The following KCNAB1 variants were observed in gnomAD, a reference collection of about 807,000 sequenced individuals.
KCNAB1 encodes the protein voltage-gated potassium channel subunit beta-1.
KCNAB1 carries 35 observed loss-of-function variants against 64.6 expected under a neutral mutation model. That is an observed-to-expected ratio of 0.54 (90% CI 0.41 to 0.72). KCNAB1 has a LOEUF of 0.72. Among genes scored for constraint, KCNAB1 ranks in the 30% least tolerant of loss-of-function variants. The probability of loss-of-function intolerance (pLI) is 0.00; values close to 1 mark genes in which losing one functional copy is unlikely to be tolerated. For synonymous variants in KCNAB1, 177 were observed against 183.8 expected, an observed-to-expected ratio of 0.96 and a Z score of 0.30; for missense variants, 401 against 512.9, an observed-to-expected ratio of 0.78 and a Z score of 2.11.
At chr3:156,466,832 TGTGA>T (rs1013159863) in intron 7 of KCNAB1, among the ~76,000 whole-genome samples, 10 of 152,194 alleles carry the variant, frequency 6.6e-5, no homozygotes, top group African/African-American at 1.2e-4. Context: ...TTGTGAGAAT[TGTGA>T]GTAATTTTTA....
chr3:156,291,554 C>T (rs944179785), intron 1 of KCNAB1: 8 of 1,185,214 alleles, frequency 6.7e-6, no homozygotes, highest in Non-Finnish European at 7.4e-6. Context: ...GAATGCTCAG[C>T]TCTAGGCTTC....
At chr3:156,451,860 T>G (rs1158291116) in intron 2 of KCNAB1, among the ~76,000 whole-genome samples, 1 of 152,110 alleles carries the variant, frequency 6.6e-6, no homozygotes, top group Non-Finnish European at 1.5e-5. Context: ...AGTTAACCCC[T>G]GTGAGACTCG....
Position 156,120,782 on chromosome 3 carries a change from G to C in KCNAB1, c.171G>C (p.Ala57=). 6.2e-7 allele frequency: 1 copy of C among 1,614,214 alleles called. No homozygotes were observed. Among genetic ancestry groups the C allele is most frequent in the Non-Finnish European group, 8.5e-7 (1 of 1,180,034 alleles). ...LSPSGESQLR[A]RQLALLREVE... ...CCTCAGGGGAAAGCCAGCTCAGGGCGCGTCAACTGGCTCTGCTGCGCGAAG... is the reference window on the plus strand; with the variant it reads ...CCTCAGGGGAAAGCCAGCTCAGGGCCCGTCAACTGGCTCTGCTGCGCGAAG... The change falls in exon 1 of 14, where the codon GCG becomes GCC. Residue 57 remains alanine, a synonymous_variant. Transcript: ENST00000490337.
intron 2 of KCNAB1, among the ~76,000 whole-genome samples, chr3:156,444,953 T>C (rs1312795839): frequency 1.3e-5 from 2 of 152,074 alleles, no homozygotes; most frequent in East Asian, 1.9e-4. Flanking sequence ...CTCTGGAAAA[T>C]AGAGATGGCA....
intron 1 of KCNAB1, among the ~76,000 whole-genome samples, chr3:156,315,079 G>A (rs553834778): frequency 5.9e-5 from 9 of 152,298 alleles, no homozygotes; most frequent in South Asian, 2.1e-4. Context: ...TAAGCAAGAG[G>A]CAGGAAACTG....
At position 156,302,513 on chromosome 3, in the gene KCNAB1, AG is replaced by A. The variant is rs1226765446; in HGVS notation, c.276-119102del. ...GTCCAGGTGAAGCAAGGCAGCAAAA[AG>A]AATAATGGGATCATTGAAAATGCTG... is the stretch of plus-strand genomic sequence containing the variant. On this transcript the variant is annotated intron_variant, in intron 1 of 13. Transcript: ENST00000490337. Among the ~76,000 whole-genome samples the A allele has an allele frequency of 2.6e-5, 4 of 152,194 alleles. No individual in the cohort carries two copies. The East Asian group carries it at 7.7e-4, about 29-fold the overall frequency.
At chr3:156,283,707 T>G (rs1719892504) in intron 1 of KCNAB1, among the ~76,000 whole-genome samples, 1 of 151,918 alleles carries the variant, frequency 6.6e-6, no homozygotes, top group Admixed American at 6.6e-5. Flanking sequence ...TCGCTTCATT[T>G]CATTCATTTC....
intron 1 of KCNAB1, among the ~76,000 whole-genome samples, chr3:156,397,954 C>T (rs755854829): frequency 5.9e-5 from 9 of 152,314 alleles, no homozygotes; most frequent in Middle Eastern, 3.4e-3. Context: ...TAGATATTTT[C>T]CAATTGCTTT....
chr3:156,437,878 G>A (rs999099531), intron 2 of KCNAB1, among the ~76,000 whole-genome samples: 2 of 152,096 alleles, frequency 1.3e-5, no homozygotes, highest in Admixed American at 6.5e-5. Context: ...AGTATTTATT[G>A]TCTCTCTTCC....
At chr3:156,474,681 T>C in intron 7 of KCNAB1, 53 bp from the exon 8 acceptor site, 2 of 1,314,600 alleles carry the variant, frequency 1.5e-6, no homozygotes, top group South Asian at 1.2e-5. Context: ...ACTTCAACTC[T>C]GAATAGTGCT....
At chr3:156,447,558 A>G (rs1711656244) in intron 2 of KCNAB1, among the ~76,000 whole-genome samples, 2 of 152,282 alleles carry the variant, frequency 1.3e-5, no homozygotes, top group African/African-American at 4.8e-5. Flanking sequence ...TATTCAAACC[A>G]TAGGGAGACC....
intron 1 of KCNAB1, among the ~76,000 whole-genome samples, chr3:156,220,248 G>A (rs1715625596): frequency 6.6e-6 from 1 of 152,112 alleles, no homozygotes. Flanking sequence ...TGGGATCACT[G>A]GGTCAAATGG....
chr3:156,241,463 G>A (rs893894892), intron 1 of KCNAB1, among the ~76,000 whole-genome samples: 1 of 152,186 alleles, frequency 6.6e-6, no homozygotes, highest in East Asian at 1.9e-4. Context: ...GGACAGCTGT[G>A]CTGTCATCTC....
intron 1 of KCNAB1, among the ~76,000 whole-genome samples, chr3:156,392,618 A>G (rs1295099376): frequency 6.6e-6 from 1 of 152,218 alleles, no homozygotes; most frequent in East Asian, 1.9e-4. Context: ...TATGTGGTGT[A>G]CAATTTTTGA....
intron 1 of KCNAB1, among the ~76,000 whole-genome samples, chr3:156,202,688 T>G (rs940334848): frequency 6.6e-6 from 1 of 152,202 alleles, no homozygotes; most frequent in Non-Finnish European, 1.5e-5. Context: ...ATGTCAACAG[T>G]TTTTTGGTCA....
intron 12 of KCNAB1, among the ~76,000 whole-genome samples, chr3:156,528,597 C>T (rs998925238): frequency 2.0e-5 from 3 of 152,124 alleles, no homozygotes; most frequent in Non-Finnish European, 2.9e-5. Flanking sequence ...CAGGCAATAC[C>T]TTTGGGGAAT....
chr3:156,465,043 A>G (rs1713259985), intron 6 of KCNAB1, among the ~76,000 whole-genome samples: 1 of 152,216 alleles, frequency 6.6e-6, no homozygotes, highest in South Asian at 2.1e-4. Flanking sequence ...CATGTTATGG[A>G]TACTTTAAAA....
chr3:156,137,804 C>T (rs1714453514), intron 1 of KCNAB1, among the ~76,000 whole-genome samples: 1 of 151,606 alleles, frequency 6.6e-6, no homozygotes, highest in Admixed American at 6.6e-5. Flanking sequence ...GATCCACCTA[C>T]CTCGGCCTCC....
intron 1 of KCNAB1, among the ~76,000 whole-genome samples, chr3:156,314,371 C>T (rs551441136): frequency 1.1e-4 from 17 of 152,270 alleles, no homozygotes; most frequent in East Asian, 7.7e-4. Flanking sequence ...TCTAATATAA[C>T]GCTCCCAACT....
Sources: gnomAD v4.1 joint callset for allele counts (sites outside exome capture counted in the v4.1 genomes callset) on GRCh38, gnomAD v4.1.1 for gene constraint, MANE v1.5 for transcripts, NCBI Gene and HGNC (gene_info 2026-07-23, HGNC 2026-07-21) for gene names.